SNX13: variants seen among roughly 807,000 people sequenced by gnomAD.
SNX13 encodes sorting nexin-13.
SNX13 carries 45 observed loss-of-function variants against 133.6 expected under a neutral mutation model. That is an observed-to-expected ratio of 0.34 (90% CI 0.27 to 0.43). The LOEUF (loss-of-function observed/expected upper bound fraction) is 0.43, where lower values mean the gene tolerates loss of function less well. Among genes scored for constraint, SNX13 ranks in the 20% least tolerant of loss-of-function variants. The pLI is 1.00. For synonymous variants in SNX13, 414 were observed against 373.9 expected (o/e 1.11, Z -1.24); for missense variants, 1,032 against 1,145.1 (o/e 0.90, Z 1.43).
chr7:17,908,880 G>A (rs1798653387), intron 1 of SNX13, among the ~76,000 whole-genome samples: 1 of 152,078 alleles, frequency 6.6e-6, no homozygotes. Context: ...GGGGCAGGGG[G>A]GTCAGTCAGA....
chr7:17,824,577 AG>A (rs1787662746), intron 17 of SNX13, among the ~76,000 whole-genome samples: 1 of 152,030 alleles, frequency 6.6e-6, no homozygotes, highest in Admixed American at 6.6e-5. Flanking sequence ...TTGAGGTACA[AG>A]GAAGTTAAGG....
chr7:17,807,031 G>C (rs776485961), intron 20 of SNX13, among the ~76,000 whole-genome samples: 16 of 152,150 alleles, frequency 1.1e-4, no homozygotes, highest in Non-Finnish European at 1.5e-4. Context: ...CTGGGCGGCC[G>C]TTTGGACAGA....
intron 1 of SNX13, among the ~76,000 whole-genome samples, chr7:17,938,542 C>A (rs763879739): frequency 6.6e-6 from 1 of 152,196 alleles, no homozygotes; most frequent in Non-Finnish European, 1.5e-5. Flanking sequence ...AGGTTGGAAT[C>A]CTGCTTCTGC....
rs1189821756 is a variant in SNX13, at chr7:17,791,744, C to G, written c.*2301G>C. ...ACTTTATTAAACATAGTACACTGTA[C>G]TTGACTTATGGTTAAATATTTTACA... On this transcript the variant is annotated 3_prime_UTR_variant, in exon 26 of 26. Coordinates refer to ENST00000428135, the MANE Select transcript of SNX13 (RefSeq NM_015132.5). The G allele has an allele frequency of 6.6e-6, 1 of 152,008 alleles. No homozygotes were observed. The highest frequency in any genetic ancestry group is 1.5e-5 in the Non-Finnish European group (1 of 67,954). The allele number at this position is 152,008 out of a possible 1,614,324, so 9.4% of individuals were successfully genotyped here.
At chr7:17,898,599 A>C (rs760822883) in intron 1 of SNX13, among the ~76,000 whole-genome samples, 1 of 152,214 alleles carries the variant, frequency 6.6e-6, no homozygotes, top group Non-Finnish European at 1.5e-5. Context: ...ACATACCTTC[A>C]TAAGTTTACA....
intron 11 of SNX13, among the ~76,000 whole-genome samples, chr7:17,848,668 G>A (rs950380423): frequency 1.3e-5 from 2 of 152,290 alleles, no homozygotes; most frequent in East Asian, 3.9e-4. Context: ...CTCTCGCGAG[G>A]GGTGGAATAC....
intron 15 of SNX13, chr7:17,830,786 T>C (rs912432367): frequency 2.3e-5 from 23 of 982,554 alleles, no homozygotes; most frequent in South Asian, 1.9e-4. Flanking sequence ...AACAAATCTA[T>C]GGTAAAGCAA....
chr7:17,870,314 A>G (rs1176102880), intron 8 of SNX13, among the ~76,000 whole-genome samples: 2 of 152,222 alleles, frequency 1.3e-5, no homozygotes, highest in African/African-American at 4.8e-5. Flanking sequence ...CCGTACAAAG[A>G]AAATTAAAAC....
At chr7:17,861,947 CAT>C (rs1242668090) in intron 9 of SNX13, among the ~76,000 whole-genome samples, 2 of 152,192 alleles carry the variant, frequency 1.3e-5, no homozygotes, top group Non-Finnish European at 2.9e-5. Flanking sequence ...TTATGCCTCA[CAT>C]CTCTCAGTCA....
chr7:17,808,955 AG>A (rs1785649230), intron 20 of SNX13, among the ~76,000 whole-genome samples: 1 of 152,306 alleles, frequency 6.6e-6, no homozygotes, highest in South Asian at 2.1e-4. Context: ...TCCTGAAGGA[AG>A]CACTAAACAT....
Position 17,868,165 on chromosome 7 carries a change from TAAAG to T in SNX13, c.837+238_837+241del. On this transcript the variant is annotated intron_variant, in intron 9 of 25. Coordinates refer to ENST00000428135, the MANE Select transcript of SNX13 (RefSeq NM_015132.5). ...CAGGTAGTAAAATATTCTATTTTTT[TAAAG>T]AAATAGTAGTAGCACCATAACCGCA... 4 of 396,288 alleles carry T rather than the reference TAAAG, an allele frequency of 1.0e-5. No individual in the cohort carries two copies. In the South Asian group the frequency reaches 1.5e-4, roughly 15 times the overall value. The allele number at this position is 396,288 out of a possible 1,614,324, so 24.5% of individuals were successfully genotyped here.
intron 5 of SNX13, chr7:17,880,823 TTTAAAGAGGCTTCA>T (rs1418292495): frequency 6.6e-6 from 1 of 152,156 alleles, no homozygotes; most frequent in Non-Finnish European, 1.5e-5. Context: ...TATGTCATAA[TTTAAAGAGGCTTCA>T]TTAAAGAGGC....
At chr7:17,807,807 G>T (rs551790495) in intron 20 of SNX13, among the ~76,000 whole-genome samples, 4 of 147,944 alleles carry the variant, frequency 2.7e-5, no homozygotes, top group Non-Finnish European at 5.9e-5. Context: ...GCCTCTGCTG[G>T]TGATACTCGG....
chr7:17,902,510 T>A (rs144815330), intron 1 of SNX13, among the ~76,000 whole-genome samples: 211 of 152,274 alleles, frequency 1.4e-3, no homozygotes, highest in African/African-American at 4.7e-3. Context: ...TATAATCTTA[T>A]TAGTGAGATA....
chr7:17,886,522 C>T (rs781092273), intron 5 of SNX13, among the ~76,000 whole-genome samples: 7 of 151,710 alleles, frequency 4.6e-5, no homozygotes, highest in African/African-American at 1.5e-4. Flanking sequence ...GAGCCGAGAT[C>T]GTGCCACTGC....
chr7:17,835,010 G>A, intron 13 of SNX13, 145 bp from the exon 14 acceptor site: 1 of 545,236 alleles, frequency 1.8e-6, no homozygotes, highest in Non-Finnish European at 3.2e-6. Flanking sequence ...TGATGTTTAA[G>A]AAGGATGAAA....
At chr7:17,797,268 C>T (rs983504527) in intron 24 of SNX13, among the ~76,000 whole-genome samples, 2 of 151,818 alleles carry the variant, frequency 1.3e-5, no homozygotes, top group African/African-American at 4.8e-5. Flanking sequence ...GCTGATTGAA[C>T]ATCTCATCCA....
chr7:17,932,233 T>C (rs1349684048), intron 1 of SNX13, among the ~76,000 whole-genome samples: 1 of 152,178 alleles, frequency 6.6e-6, no homozygotes, highest in South Asian at 2.1e-4. Flanking sequence ...AAGTCCCTCT[T>C]GCATTTATAA....
At chr7:17,854,905 C>T (rs1224700887) in intron 9 of SNX13, among the ~76,000 whole-genome samples, 1 of 151,982 alleles carries the variant, frequency 6.6e-6, no homozygotes, top group African/African-American at 2.4e-5. Context: ...CTAAGCTTAG[C>T]CAGGAAAATG....
Sources: allele counts gnomAD v4.1 joint callset (sites outside exome capture counted in the v4.1 genomes callset), GRCh38; gene constraint gnomAD v4.1.1; transcripts MANE v1.5; gene names NCBI Gene and HGNC (gene_info 2026-07-23, HGNC 2026-07-21).